ASTN2: variants seen among roughly 807,000 people sequenced by gnomAD.
ASTN2 encodes astrotactin-2.
ASTN2 carries 54 observed loss-of-function variants against 139.8 expected under a neutral mutation model. The observed-to-expected ratio is 0.39, with a 90% CI of 0.31 to 0.48. The LOEUF (loss-of-function observed/expected upper bound fraction) is 0.48, where lower values mean the gene tolerates loss of function less well. Ranked by LOEUF, ASTN2 falls within the 20% of genes least tolerant of loss-of-function variation. The pLI, the probability that ASTN2 is intolerant of heterozygous loss-of-function variation, is 0.95. For synonymous variants in ASTN2, 756 were observed against 719.5 expected (o/e 1.05, Z -0.81); for missense variants, 1,565 against 1,725.1 (o/e 0.91, Z 1.64).
intron 2 of ASTN2, among the ~76,000 whole-genome samples, chr9:117,246,793 G>T (rs2133083715): frequency 6.6e-6 from 1 of 152,278 alleles, no homozygotes; most frequent in Middle Eastern, 3.4e-3. Context: ...TTATTTCAAA[G>T]TCCTTCTAGT....
At chr9:117,063,755 A>G (rs1052477170) in intron 5 of ASTN2, among the ~76,000 whole-genome samples, 2 of 152,182 alleles carry the variant, frequency 1.3e-5, no homozygotes, top group African/African-American at 2.4e-5. Flanking sequence ...ATAAGAAAGC[A>G]CAGCCTATAT....
intron 19 of ASTN2, among the ~76,000 whole-genome samples, chr9:116,500,111 C>A (rs1243366415): frequency 2.0e-5 from 3 of 152,154 alleles, no homozygotes; most frequent in Admixed American, 6.6e-5. Context: ...CCCAGCCTCA[C>A]CCTTTGCTAC....
At chr9:116,464,753 C>T (rs1848601730) in intron 20 of ASTN2, among the ~76,000 whole-genome samples, 1 of 152,086 alleles carries the variant, frequency 6.6e-6, no homozygotes, top group South Asian at 2.1e-4. Flanking sequence ...TGTTTGTTTC[C>T]CATCTCTTAC....
intron 20 of ASTN2, among the ~76,000 whole-genome samples, chr9:116,486,264 A>G (rs1267806137): frequency 1.3e-5 from 2 of 152,244 alleles, no homozygotes; most frequent in African/African-American, 4.8e-5. Flanking sequence ...GCAGAACCAA[A>G]ACACAAGAAA....
chr9:116,510,346 G>C (rs1029122659), intron 19 of ASTN2, among the ~76,000 whole-genome samples: 3 of 152,040 alleles, frequency 2.0e-5, no homozygotes, highest in African/African-American at 7.3e-5. Context: ...TGAGGGCTCT[G>C]TTCTGTTCCA....
At chr9:116,443,838 G>A (rs909927352) in intron 20 of ASTN2, among the ~76,000 whole-genome samples, 2 of 151,996 alleles carry the variant, frequency 1.3e-5, no homozygotes, top group Non-Finnish European at 2.9e-5. Flanking sequence ...AGAGACTAGG[G>A]TCATAATGGC....
chr9:116,714,368 G>A (rs1415616980), intron 16 of ASTN2, among the ~76,000 whole-genome samples: 2 of 152,104 alleles, frequency 1.3e-5, no homozygotes, highest in Non-Finnish European at 2.9e-5. Context: ...GACCAGAAAA[G>A]GCTGTATCAT....
intron 1 of ASTN2, among the ~76,000 whole-genome samples, chr9:117,413,011 C>G (rs529935089): frequency 6.6e-6 from 1 of 152,264 alleles, no homozygotes; most frequent in Admixed American, 6.5e-5. Flanking sequence ...GGGGAGTCCC[C>G]GAGGAACCTG....
intron 1 of ASTN2, among the ~76,000 whole-genome samples, chr9:117,374,999 C>T (rs1360472331): frequency 1.3e-5 from 2 of 152,280 alleles, no homozygotes; most frequent in African/African-American, 2.4e-5. Flanking sequence ...AGAACCAATC[C>T]TTCTTCCTCT....
intron 17 of ASTN2, among the ~76,000 whole-genome samples, chr9:116,623,444 T>C (rs997244022): frequency 8.6e-5 from 13 of 151,828 alleles, no homozygotes; most frequent in African/African-American, 3.1e-4. Flanking sequence ...AAACAGGGAG[T>C]CCTCATAAGG....
At chr9:116,744,616 G>A (rs1351413199) in intron 13 of ASTN2, among the ~76,000 whole-genome samples, 1 of 152,144 alleles carries the variant, frequency 6.6e-6, no homozygotes, top group Admixed American at 6.5e-5. Flanking sequence ...CCAACTGCAC[G>A]TGGTGGGGAG....
rs150831883 is a variant in ASTN2 at position 116,531,277 on chromosome 9, G to A, written c.3356-43777C>T. The stretch of plus-strand genomic sequence containing the variant: ...ATTCGTATTTATGTCTTAAATGTAT[G>A]GCCATGGTACTCAAATATGGCAATA... On this transcript the variant is annotated intron_variant, in intron 19 of 22. Coordinates refer to ENST00000313400, the MANE Select transcript of ASTN2 (RefSeq NM_001365068.1). Among the ~76,000 whole-genome samples the A allele has an allele frequency of 1.4e-4, 21 of 152,258 alleles. No individual in the cohort carries two copies. In the East Asian group the frequency reaches 4.1e-3, roughly 29 times the overall value.
chr9:116,433,045 A>C (rs1847546800), intron 22 of ASTN2, among the ~76,000 whole-genome samples: 1 of 152,162 alleles, frequency 6.6e-6, no homozygotes, highest in African/African-American at 2.4e-5. Context: ...AAACACAGCA[A>C]CTCTTCAGCA....
chr9:117,075,517 G>A (rs1282211659), intron 5 of ASTN2, among the ~76,000 whole-genome samples: 1 of 151,808 alleles, frequency 6.6e-6, no homozygotes, highest in East Asian at 1.9e-4. Flanking sequence ...AGGAGGAGGA[G>A]GGGGCAGGCT....
At chr9:116,667,923 A>G (rs560292933) in intron 16 of ASTN2, among the ~76,000 whole-genome samples, 1 of 151,916 alleles carries the variant, frequency 6.6e-6, no homozygotes, top group South Asian at 2.1e-4. Context: ...TATCATAAAC[A>G]CTTGAAGTCC....
At chr9:117,361,121 G>A (rs1300018262) in intron 1 of ASTN2, among the ~76,000 whole-genome samples, 1 of 151,930 alleles carries the variant, frequency 6.6e-6, no homozygotes, top group Non-Finnish European at 1.5e-5. Context: ...TCTACTCAAG[G>A]AAAATGTTGC....
At chr9:116,922,791 C>G (rs1476556065) in intron 10 of ASTN2, among the ~76,000 whole-genome samples, 1 of 152,200 alleles carries the variant, frequency 6.6e-6, no homozygotes, top group African/African-American at 2.4e-5. Flanking sequence ...TTCATGTCAA[C>G]AGTTCTGGGG....
At chr9:116,614,532 C>T (rs1347291579) in intron 19 of ASTN2, among the ~76,000 whole-genome samples, 1 of 152,046 alleles carries the variant, frequency 6.6e-6, no homozygotes, top group Non-Finnish European at 1.5e-5. Flanking sequence ...GAGTTATAGA[C>T]CAATGGAACA....
In ASTN2 at chr9:117,245,022, A is replaced by T. The variant is rs1040008991; in HGVS notation, c.631-30280T>A. Among the ~76,000 whole-genome samples, 3 of 152,088 alleles carry T rather than the reference A, an allele frequency of 2.0e-5. No homozygotes were observed. In the South Asian group the frequency reaches 6.2e-4, roughly 32 times the overall value. ...TCACAGTCCCGTAGAGAAGATGAAT[A>T]TGCAGCAGACATATCATGATACAAG... is the stretch of plus-strand genomic sequence containing the variant. On this transcript the variant is annotated intron_variant, in intron 2 of 22. Transcript: ENST00000313400.
Sources: allele counts gnomAD v4.1 joint callset (sites outside exome capture counted in the v4.1 genomes callset), GRCh38; gene constraint gnomAD v4.1.1; transcripts MANE v1.5; gene names NCBI Gene and HGNC (gene_info 2026-07-23, HGNC 2026-07-21).